Variants in KLF8 observed in about 807,000 individuals in gnomAD.
The protein encoded by KLF8 is Krueppel-like factor 8.
KLF8 carries 10 observed loss-of-function variants against 18.2 expected under a neutral mutation model. That is an observed-to-expected ratio of 0.55 (90% CI 0.34 to 0.93). The LOEUF is 0.93. KLF8 is among the 40% of genes least tolerant of loss of function. The probability of loss-of-function intolerance (pLI) is 0.02; values close to 1 mark genes in which losing one functional copy is unlikely to be tolerated. For synonymous variants in KLF8, 109 were observed against 97.3 expected, an observed-to-expected ratio of 1.12 and a Z score of -0.71; for missense variants, 264 against 277.9, an observed-to-expected ratio of 0.95 and a Z score of 0.36.
the KLF8 span, among the ~76,000 whole-genome samples, chrX:55,937,892 A>T: frequency 8.9e-6 from 1 of 112,077 alleles, no homozygotes; most frequent in Non-Finnish European, 1.9e-5. Flanking sequence ...CCAAATCTAC[A>T]TCTGACTGGT....
the KLF8 span, among the ~76,000 whole-genome samples, chrX:56,217,347 T>G: frequency 8.9e-6 from 1 of 111,739 alleles, no homozygotes; most frequent in African/African-American, 3.3e-5. Flanking sequence ...TCAGGTTCCA[T>G]CTAATTGGAT....
the KLF8 span, among the ~76,000 whole-genome samples, chrX:56,225,766 G>C: frequency 1.0e-3 from 117 of 112,440 alleles, no homozygotes; most frequent in Non-Finnish European, 2.0e-3. Flanking sequence ...GATAGGTTAA[G>C]TAACTTGTCC....
the KLF8 span, among the ~76,000 whole-genome samples, chrX:55,998,435 C>T: frequency 2.7e-5 from 3 of 112,542 alleles, no homozygotes; most frequent in Non-Finnish European, 5.6e-5. Context: ...GAGGTCCCTG[C>T]GGCCTTCCGC....
the KLF8 span, among the ~76,000 whole-genome samples, chrX:56,142,087 T>A: frequency 8.9e-6 from 1 of 111,737 alleles, no homozygotes; most frequent in Non-Finnish European, 1.9e-5. Context: ...TTCCATTCTG[T>A]CCCTTGTCTG....
At chrX:56,166,503 G>A in the KLF8 span, among the ~76,000 whole-genome samples, 2 of 111,741 alleles carry the variant, frequency 1.8e-5, no homozygotes, top group Non-Finnish European at 1.9e-5. Flanking sequence ...AAGTATCTTG[G>A]GGATCCTGGG....
chrX:56,132,505 A>G, the KLF8 span, among the ~76,000 whole-genome samples: 29 of 111,337 alleles, frequency 2.6e-4, no homozygotes, highest in Non-Finnish European at 4.9e-4. Context: ...AGGAAAGTTC[A>G]TAGCCTTAAA....
At chrX:56,213,279 GTTTTCTTTTCTTTTC>G in the KLF8 span, among the ~76,000 whole-genome samples, 22 of 40,843 alleles carry the variant, frequency 5.4e-4, no homozygotes, top group East Asian at 0.013. Flanking sequence ...TTTTTCTTTT[GTTTTCTTTTCTTTTC>G]TTTTCTTTTC....
At chrX:56,119,014 A>G in the KLF8 span, among the ~76,000 whole-genome samples, 11 of 110,361 alleles carry the variant, frequency 1.0e-4, no homozygotes, top group Admixed American at 2.9e-4. Context: ...AGAATGTTGT[A>G]TGTAACTCTG....
the KLF8 span, among the ~76,000 whole-genome samples, chrX:55,959,470 A>G: frequency 8.9e-6 from 1 of 112,116 alleles, no homozygotes; most frequent in African/African-American, 3.2e-5. Context: ...GCTCATCAAG[A>G]TAGAGGAGAA....
chrX:56,054,886 T>A, the KLF8 span, among the ~76,000 whole-genome samples: 1 of 112,214 alleles, frequency 8.9e-6, no homozygotes, highest in Non-Finnish European at 1.9e-5. Context: ...TTGTTTTGCC[T>A]GAAGTTAGGA....
the KLF8 span, among the ~76,000 whole-genome samples, chrX:56,143,152 T>C: frequency 9.0e-6 from 1 of 111,543 alleles, no homozygotes; most frequent in Non-Finnish European, 1.9e-5. Context: ...TCTGTGATTT[T>C]GCCACACTGG....
chrX:55,926,323 A>C, the KLF8 span, among the ~76,000 whole-genome samples: 1 of 111,429 alleles, frequency 9.0e-6, no homozygotes, highest in African/African-American at 3.3e-5. Flanking sequence ...AATCTATAAC[A>C]TCTCCCTGTC....
At chrX:56,199,381 C>G in the KLF8 span, among the ~76,000 whole-genome samples, 29 of 111,460 alleles carry the variant, frequency 2.6e-4, no homozygotes, top group African/African-American at 8.5e-4. Flanking sequence ...AGAACTCTAA[C>G]AAATTTACAA....
At chrX:56,186,422 T>A in the KLF8 span, among the ~76,000 whole-genome samples, 1 of 111,112 alleles carries the variant, frequency 9.0e-6, no homozygotes, top group Non-Finnish European at 1.9e-5. Flanking sequence ...CACACAATAA[T>A]AATGGGAGAG....
the KLF8 span, among the ~76,000 whole-genome samples, chrX:55,934,256 T>C: frequency 8.9e-6 from 1 of 111,804 alleles, no homozygotes; most frequent in Non-Finnish European, 1.9e-5. Context: ...GCTCAAGAAA[T>C]GTTTTTAATG....
chrX:56,079,190 G>A, the KLF8 span, among the ~76,000 whole-genome samples: 622 of 111,063 alleles, frequency 5.6e-3, 1 homozygote, highest in Non-Finnish European at 8.5e-3. Flanking sequence ...GCTAGCTTTT[G>A]AATGTGTTTG....
the KLF8 span, among the ~76,000 whole-genome samples, chrX:56,181,795 C>G: frequency 8.5e-5 from 9 of 105,587 alleles, no homozygotes; most frequent in South Asian, 4.4e-4. Flanking sequence ...TTGCTCCCCC[C>G]CCTTCTGGCT....
upstream of KLF8, among the ~76,000 whole-genome samples, chrX:56,228,335 G>T (rs1254784558): frequency 9.0e-6 from 1 of 111,650 alleles, no homozygotes; most frequent in Non-Finnish European, 1.9e-5. Context: ...GCCAATCTAG[G>T]TTTTGTGGGG....
chrX:56,223,157 A>C, the KLF8 span, among the ~76,000 whole-genome samples: 1 of 113,183 alleles, frequency 8.8e-6, no homozygotes, highest in South Asian at 3.6e-4. Context: ...AATCAAAACA[A>C]CTGAAAGGAG....
Sources: gnomAD v4.1 joint callset for allele counts (sites outside exome capture counted in the v4.1 genomes callset) on GRCh38, gnomAD v4.1.1 for gene constraint, MANE v1.5 for transcripts, NCBI Gene and HGNC (gene_info 2026-07-23, HGNC 2026-07-21) for gene names.